Variants in GSR observed in about 807,000 individuals in gnomAD.
GSR encodes the protein glutathione-disulfide reductase.
In GSR, 48 loss-of-function variants were observed where a neutral mutation model predicts 56.5. The ratio of observed to expected loss-of-function variants is 0.85; its 90% CI spans 0.67 to 1.08. The LOEUF (loss-of-function observed/expected upper bound fraction) is 1.08, where lower values mean the gene tolerates loss of function less well. GSR is among the 50% of genes least tolerant of loss of function. The pLI, the probability that GSR is intolerant of heterozygous loss-of-function variation, is 0.00. For missense variants in GSR, 694 were observed against 703.3 expected (o/e 0.99, Z 0.15); for synonymous variants, 264 against 270.8 (o/e 0.97, Z 0.25).
At chr8:30,685,912 AG>A (rs1803145411) in intron 9 of GSR, among the ~76,000 whole-genome samples, 1 of 137,660 alleles carries the variant, frequency 7.3e-6, no homozygotes, top group Non-Finnish European at 1.5e-5. Flanking sequence ...ACTTGAACCC[AG>A]GGGGCGGAGA....
intron 1 of GSR, 125 bp from the exon 2 acceptor site, chr8:30,712,213 T>A: frequency 1.7e-6 from 1 of 594,926 alleles, no homozygotes; most frequent in Admixed American, 2.9e-5. Context: ...CACAGTGTAC[T>A]AAATTCTAGT....
Position 30,708,106 on chromosome 8 carries a change from C to T in GSR, c.458G>A (p.Arg153His), listed in dbSNP as rs753098957. Reference protein sequence around the residue: ...IKEKRDAYVSRLNAIYQNNLT... With the variant: ...IKEKRDAYVSHLNAIYQNNLT... The stretch of plus-strand genomic sequence containing the variant: ...ATTGTTTTGATAGATGGCATTCAGG[C>T]GGCTCACATAGGCATCCCGCTTTTC... Residue 153 changes from arginine (R) to histidine (H), a missense_variant, in exon 4 of 13, where the codon CGC (arginine) becomes CAC (histidine). Arg to His is a conservative substitution (Grantham distance 29). Coordinates refer to ENST00000221130, the MANE Select transcript of GSR (RefSeq NM_000637.5). 13 of 1,613,396 alleles carry T rather than the reference C, an allele frequency of 8.1e-6. No homozygotes were observed. The highest frequency in any genetic ancestry group is 3.3e-5 in the Admixed American group (2 of 59,986).
intron 1 of GSR, among the ~76,000 whole-genome samples, chr8:30,726,600 AAATAAT>A (rs559736404): frequency 7.9e-5 from 12 of 152,026 alleles, no homozygotes; most frequent in Non-Finnish European, 1.8e-4. Flanking sequence ...TCTCTACAAA[AAATAAT>A]AATAATTAAC....
rs911673146 is a variant in GSR at position 30,689,161 on chromosome 8, C to T, written c.1041G>A (p.Leu347=). 1 of 1,613,816 alleles carries T rather than the reference C, an allele frequency of 6.2e-7. No individual in the cohort carries two copies. Among genetic ancestry groups the T allele is most frequent in the Non-Finnish European group, 8.5e-7 (1 of 1,179,820 alleles). Residue 347 remains leucine (L), a splice_region_variant and synonymous_variant, in exon 9 of 13, where the codon CTG becomes CTA. Coordinates refer to ENST00000221130, the MANE Select transcript of GSR (RefSeq NM_000637.5). ...TTTCGGGCAGACCAAGCCAGCTTAC[C>T]AGTTTGTTTAAACTCAGGTCCTTGG... ...PNTKDLSLNK[L]GIQTDDKGHI... is the part of the protein sequence containing the mutation.
At chr8:30,714,835 T>C (rs989126497) in intron 1 of GSR, among the ~76,000 whole-genome samples, 25 of 152,286 alleles carry the variant, frequency 1.6e-4, no homozygotes, top group African/African-American at 6.0e-4. Context: ...GCTTGGCCTG[T>C]ATATGCTTTT....
At chr8:30,685,188 C>T (rs1397955018) in intron 9 of GSR, among the ~76,000 whole-genome samples, 1 of 152,008 alleles carries the variant, frequency 6.6e-6, no homozygotes, top group African/African-American at 2.4e-5. Flanking sequence ...TCTTGATCTC[C>T]TGACCTCGTG....
chr8:30,715,462 T>G (rs1259198289), intron 1 of GSR, among the ~76,000 whole-genome samples: 1 of 152,090 alleles, frequency 6.6e-6, no homozygotes, highest in East Asian at 1.9e-4. Flanking sequence ...GGTTTCCTAA[T>G]GGTAAGAGCA....
At chr8:30,699,736 A>G (rs918098251) in intron 6 of GSR, among the ~76,000 whole-genome samples, 1 of 151,986 alleles carries the variant, frequency 6.6e-6, no homozygotes, top group African/African-American at 2.4e-5. Context: ...GAGCCACCAC[A>G]TCTGGCCAAA....
chr8:30,709,000 C>G (rs998809118), intron 3 of GSR, among the ~76,000 whole-genome samples: 2 of 148,890 alleles, frequency 1.3e-5, no homozygotes, highest in East Asian at 2.0e-4. Flanking sequence ...CAAAAATTCA[C>G]TAACAAATGA....
chr8:30,685,982 CCT>C (rs1803147925), intron 9 of GSR, among the ~76,000 whole-genome samples: 1 of 64,130 alleles, frequency 1.6e-5, no homozygotes, highest in African/African-American at 6.1e-5. Flanking sequence ...AGAGACTCTG[CCT>C]CAAAAAAAAA....
chr8:30,686,071 G>A lies in GSR; in HGVS notation c.1042-1872C>T, dbSNP rs187705867. 1.0e-3 allele frequency among the ~76,000 whole-genome samples: 155 copies of A among 149,388 alleles called. 1 individual carries two copies. The South Asian group carries it at 0.011, about 11-fold the overall frequency. On this transcript the variant is annotated intron_variant, in intron 9 of 12. Transcript: ENST00000221130. ...TCAAATCCTAGCTCTGCAACTTACC[G>A]GTTATGAGACCTTGTATAACCACCT...
rs1181036603 is a variant in GSR, at chr8:30,683,287, G to C, written c.1153+801C>G. Among the ~76,000 whole-genome samples, 6 of 152,226 alleles carry C rather than the reference G, an allele frequency of 3.9e-5. No homozygotes were observed. The East Asian group carries it at 1.2e-3, about 29-fold the overall frequency. On this transcript the variant is annotated intron_variant, in intron 10 of 12. Coordinates refer to ENST00000221130, the MANE Select transcript of GSR (RefSeq NM_000637.5). Reference sequence around the variant, plus strand: ...TTTCTAAAGGAGCTAAAAGGGTTTGGGTGTGTGACTGGTGTAGGTTTTCAT... The same window carrying C: ...TTTCTAAAGGAGCTAAAAGGGTTTGCGTGTGTGACTGGTGTAGGTTTTCAT...
intron 8 of GSR, among the ~76,000 whole-genome samples, chr8:30,692,690 G>C (rs1586042838): frequency 6.6e-6 from 1 of 150,916 alleles, no homozygotes; most frequent in East Asian, 2.0e-4. Context: ...TTAATAGAGA[G>C]AGGGTTTCAC....
chr8:30,721,677 G>A (rs1804541513), intron 1 of GSR, among the ~76,000 whole-genome samples: 2 of 151,530 alleles, frequency 1.3e-5, no homozygotes, highest in African/African-American at 4.9e-5. Flanking sequence ...AAAGCCAAAG[G>A]GTATCAGTAT....
At chr8:30,681,825 T>C (rs915550931) in intron 11 of GSR, 105 bp downstream of exon 11, 3 of 1,063,442 alleles carry the variant, frequency 2.8e-6, no homozygotes, top group Non-Finnish European at 4.3e-6. Context: ...CAATGTAATC[T>C]GGGGCTGAGA....
In GSR at chr8:30,703,991, G is replaced by A. The variant is rs1178728479; in HGVS notation, c.493-751C>T. On this transcript the variant is annotated intron_variant, in intron 4 of 12. Coordinates refer to ENST00000221130, the MANE Select transcript of GSR (RefSeq NM_000637.5). ...TGACATCTTTGCCCCCAAGAATTGA[G>A]GGCGAAAGTTCCTTATGTGCAATGT... is the stretch of plus-strand genomic sequence containing the variant. Among the ~76,000 whole-genome samples, 4 of 152,228 alleles carry A rather than the reference G, an allele frequency of 2.6e-5. No homozygotes were observed. In the South Asian group the frequency reaches 6.2e-4, roughly 24 times the overall value.
intron 4 of GSR, among the ~76,000 whole-genome samples, chr8:30,704,449 G>A (rs529318924): frequency 3.9e-5 from 6 of 152,310 alleles, no homozygotes; most frequent in Non-Finnish European, 8.8e-5. Context: ...CGCAATGCTT[G>A]TGCTTTCGTA....
At chr8:30,726,621 C>T (rs994217368) in intron 1 of GSR, among the ~76,000 whole-genome samples, 2 of 151,870 alleles carry the variant, frequency 1.3e-5, no homozygotes, top group Non-Finnish European at 2.9e-5. Context: ...ATTAACTAGG[C>T]GTGGTGATTA....
At chr8:30,701,432 C>G (rs905906163) in intron 5 of GSR, among the ~76,000 whole-genome samples, 11 of 151,924 alleles carry the variant, frequency 7.2e-5, no homozygotes, top group Non-Finnish European at 1.6e-4. Context: ...TCCCATTGCA[C>G]TCCAGCCTGG....
Sources: gnomAD v4.1 joint callset for allele counts (sites outside exome capture counted in the v4.1 genomes callset) on GRCh38, gnomAD v4.1.1 for gene constraint, MANE v1.5 for transcripts, NCBI Gene and HGNC (gene_info 2026-07-23, HGNC 2026-07-21) for gene names.